RMST: variants seen among roughly 807,000 people sequenced by gnomAD.
RMST encodes the protein long intergenic non-protein coding RNA 54.
chr12:97,483,131 G>C (rs1297084191), intron 5 of RMST, among the ~76,000 whole-genome samples: 2 of 151,828 alleles, frequency 1.3e-5, no homozygotes, highest in African/African-American at 4.8e-5. Context: ...TTAGTTTCTT[G>C]GCCCTTTGTG....
At chr12:97,474,543 A>G (rs1250840797) in intron 5 of RMST, among the ~76,000 whole-genome samples, 1 of 148,026 alleles carries the variant, frequency 6.8e-6, no homozygotes, top group East Asian at 2.2e-4. Flanking sequence ...CAGCTTGAAC[A>G]TTAGGTACTT....
At chr12:97,465,572 A>T (rs552045997) in intron 4 of RMST, 27 of 152,318 alleles carry the variant, frequency 1.8e-4, no homozygotes, top group African/African-American at 6.0e-4. Flanking sequence ...TTTACTGCTT[A>T]TGAGCACCAT....
chr12:97,561,839 C>T (rs966823773), intron 13 of RMST, among the ~76,000 whole-genome samples: 1 of 151,868 alleles, frequency 6.6e-6, no homozygotes, highest in Non-Finnish European at 1.5e-5. Flanking sequence ...ATAAGATTCT[C>T]CCTGAAATGT....
At chr12:97,494,695 A>G (rs900409831) in exon 9 of RMST, 1 of 152,072 alleles carries the variant, frequency 6.6e-6, no homozygotes, top group African/African-American at 2.4e-5. Flanking sequence ...GAACTTTCAG[A>G]CTGGCTGAAA....
At chr12:97,489,467 A>T (rs1337496125) in intron 5 of RMST, among the ~76,000 whole-genome samples, 3 of 152,066 alleles carry the variant, frequency 2.0e-5, no homozygotes, top group African/African-American at 7.2e-5. Context: ...GAAAAAAAAA[A>T]AAGGCTACTT....
chr12:97,463,008 A>G (rs999275925), intron 3 of RMST: 6 of 102,810 alleles, frequency 5.8e-5, no homozygotes, highest in African/African-American at 1.5e-4. Flanking sequence ...TCTTAGTCTC[A>G]AGTCAGCAGT....
At chr12:97,489,175 A>G (rs922822120) in intron 5 of RMST, among the ~76,000 whole-genome samples, 4 of 152,256 alleles carry the variant, frequency 2.6e-5, no homozygotes, top group Admixed American at 6.5e-5. Flanking sequence ...GCCAGGCACA[A>G]TGGCTCACAC....
At chr12:97,554,177 C>G (rs1361089454) in intron 11 of RMST, among the ~76,000 whole-genome samples, 5 of 152,180 alleles carry the variant, frequency 3.3e-5, no homozygotes, top group African/African-American at 1.2e-4. Flanking sequence ...TGGTCTTGAA[C>G]TCCCGACCTC....
chr12:97,468,400 A>G (rs1873454424), intron 5 of RMST, among the ~76,000 whole-genome samples: 1 of 152,054 alleles, frequency 6.6e-6, no homozygotes, highest in African/African-American at 2.4e-5. Context: ...AAGTTGCTAG[A>G]CTTTATGATC....
At chr12:97,477,922 T>C (rs947902802) in intron 5 of RMST, among the ~76,000 whole-genome samples, 3 of 152,194 alleles carry the variant, frequency 2.0e-5, no homozygotes, top group Middle Eastern at 3.2e-3. Context: ...GAAATTGCAA[T>C]CTGTGTGGTA....
intron 10 of RMST, among the ~76,000 whole-genome samples, chr12:97,499,536 C>T (rs1260785159): frequency 5.9e-5 from 9 of 152,074 alleles, no homozygotes; most frequent in Non-Finnish European, 2.9e-5. Context: ...ATAGAAGGCT[C>T]TGCCCATAGT....
intron 5 of RMST, among the ~76,000 whole-genome samples, chr12:97,471,222 G>A (rs915927104): frequency 6.6e-6 from 1 of 152,022 alleles, no homozygotes; most frequent in African/African-American, 2.4e-5. Flanking sequence ...ATATAGATAG[G>A]GCTTCCTTCA....
chr12:97,496,092 T>A (rs1877378801), intron 10 of RMST: 1 of 152,196 alleles, frequency 6.6e-6, no homozygotes, highest in South Asian at 2.1e-4. Flanking sequence ...TACACTTTGT[T>A]TCTTCAGGTT....
At chr12:97,505,605 T>C (rs1402077800) in intron 10 of RMST, among the ~76,000 whole-genome samples, 1 of 152,264 alleles carries the variant, frequency 6.6e-6, no homozygotes, top group African/African-American at 2.4e-5. Flanking sequence ...TTCTTATCCA[T>C]TAACTTACAA....
chr12:97,546,987 T>C (rs1369581480), intron 11 of RMST, among the ~76,000 whole-genome samples: 2 of 151,964 alleles, frequency 1.3e-5, no homozygotes, highest in Non-Finnish European at 2.9e-5. Context: ...CCACCATTTT[T>C]CTCTATCTTT....
intron 5 of RMST, among the ~76,000 whole-genome samples, chr12:97,469,237 A>AATTTAGAATTGTATGTATACAATT (rs1442652052): frequency 0.015 from 2,291 of 148,132 alleles, 57 homozygotes; most frequent in African/African-American, 0.052. Context: ...AATATATATA[A>AATTTAGAATTGTATGTATACAATT]ATGTATACAG....
intron 5 of RMST, among the ~76,000 whole-genome samples, chr12:97,484,811 A>T (rs1335817736): frequency 1.3e-5 from 2 of 152,204 alleles, no homozygotes; most frequent in African/African-American, 4.8e-5. Context: ...TAATTTACAG[A>T]GTCTTCCTTA....
chr12:97,480,098 TC>T (rs1405631455), intron 5 of RMST, among the ~76,000 whole-genome samples: 8 of 148,890 alleles, frequency 5.4e-5, no homozygotes, highest in South Asian at 2.1e-4. Context: ...TCTTTTTTTT[TC>T]TTTTTTTTTG....
intron 10 of RMST, among the ~76,000 whole-genome samples, chr12:97,506,675 G>GTTTTTT (rs780505590): frequency 2.5e-4 from 19 of 76,956 alleles, no homozygotes; most frequent in East Asian, 4.2e-4. Context: ...AGGGTAATCT[G>GTTTTTT]TTTTTTTTTT....
Sources: gnomAD v4.1 joint callset for allele counts (sites outside exome capture counted in the v4.1 genomes callset) on GRCh38, gnomAD v4.1.1 for gene constraint, MANE v1.5 for transcripts, NCBI Gene and HGNC (gene_info 2026-07-23, HGNC 2026-07-21) for gene names.